Variants in NEDD4L observed in about 807,000 individuals in gnomAD.
NEDD4L encodes the protein NEDD4 like E3 ubiquitin protein ligase, also known as E3 ubiquitin-protein ligase NEDD4-like.
Under a neutral mutation model 148.9 loss-of-function variants are expected in NEDD4L, and 54 were observed. The observed-to-expected ratio is 0.36, with a 90% CI of 0.29 to 0.45. The LOEUF (loss-of-function observed/expected upper bound fraction) is 0.45. Among genes scored for constraint, NEDD4L ranks in the 20% least tolerant of loss-of-function variants. The pLI is 1.00. For missense variants in NEDD4L, 856 were observed against 1,233.8 expected, an observed-to-expected ratio of 0.69 and a Z score of 4.59; for synonymous variants, 433 against 440.7, an observed-to-expected ratio of 0.98 and a Z score of 0.22.
chr18:58,116,652 G>C (rs1164675572), intron 1 of NEDD4L, among the ~76,000 whole-genome samples: 3 of 152,230 alleles, frequency 2.0e-5, no homozygotes, highest in African/African-American at 7.2e-5. Flanking sequence ...TGCAGAGGGA[G>C]ACCAGAGCAT....
chr18:58,251,847 G>A (rs1253237107), intron 4 of NEDD4L, among the ~76,000 whole-genome samples, 154 bp from the exon 5 acceptor site: 1 of 152,154 alleles, frequency 6.6e-6, no homozygotes, highest in Non-Finnish European at 1.5e-5. Context: ...ATTTGATTTA[G>A]TACACATAGA....
intron 21 of NEDD4L, chr18:58,367,340 G>A (rs1340605885): frequency 1.2e-5 from 2 of 168,550 alleles, no homozygotes; most frequent in Non-Finnish European, 1.3e-5. Context: ...ACATCTTATG[G>A]CCAAGCCAAA....
chr18:58,363,591 T>C (rs970078375), intron 19 of NEDD4L, among the ~76,000 whole-genome samples: 1 of 152,212 alleles, frequency 6.6e-6, no homozygotes, highest in African/African-American at 2.4e-5. Context: ...TGAAGAGATA[T>C]CACAACTTTT....
intron 1 of NEDD4L, among the ~76,000 whole-genome samples, chr18:58,089,545 G>C (rs1184628368): frequency 2.6e-5 from 4 of 152,174 alleles, no homozygotes; most frequent in African/African-American, 7.2e-5. Context: ...GGCACTGAAT[G>C]GGATGGGGTG....
At chr18:58,248,432 C>G (rs564515485) in intron 3 of NEDD4L, among the ~76,000 whole-genome samples, 1 of 152,014 alleles carries the variant, frequency 6.6e-6, no homozygotes, top group Admixed American at 6.6e-5. Context: ...GTTATAAAAT[C>G]TGATCCTCAG....
chr18:58,162,378 G>C (rs896815842), intron 1 of NEDD4L, among the ~76,000 whole-genome samples: 2 of 151,896 alleles, frequency 1.3e-5, no homozygotes, highest in African/African-American at 4.8e-5. Context: ...CTTGCTGTCA[G>C]CTCTTCCTGC....
At chr18:58,077,122 A>G (rs2083205967) in intron 1 of NEDD4L, among the ~76,000 whole-genome samples, 1 of 132,444 alleles carries the variant, frequency 7.6e-6, no homozygotes, top group Admixed American at 7.9e-5. Context: ...AAGTGCTGGG[A>G]TTACAGGCGT....
intron 1 of NEDD4L, among the ~76,000 whole-genome samples, chr18:58,055,416 T>C (rs2082047124): frequency 1.3e-5 from 2 of 152,268 alleles, no homozygotes; most frequent in African/African-American, 4.8e-5. Context: ...ATGTGTTTTC[T>C]ATATTTCTAC....
At chr18:58,348,584 G>C (rs932138500) in intron 16 of NEDD4L, among the ~76,000 whole-genome samples, 4 of 152,040 alleles carry the variant, frequency 2.6e-5, no homozygotes, top group African/African-American at 7.2e-5. Flanking sequence ...AAAGTGCTGG[G>C]ATTACAGGCA....
At chr18:58,337,355 A>G (rs1470837300) in intron 13 of NEDD4L, among the ~76,000 whole-genome samples, 1 of 152,042 alleles carries the variant, frequency 6.6e-6, no homozygotes, top group East Asian at 1.9e-4. Flanking sequence ...TCTCTTCCAC[A>G]TCCTTTGTCG....
intron 1 of NEDD4L, among the ~76,000 whole-genome samples, chr18:58,103,751 G>A (rs2084906672): frequency 6.6e-6 from 1 of 152,248 alleles, no homozygotes; most frequent in African/African-American, 2.4e-5. Context: ...TGGAATTATA[G>A]AAGAAATAGC....
chr18:58,202,453 A>G (rs1156389039), intron 2 of NEDD4L, among the ~76,000 whole-genome samples: 1 of 152,270 alleles, frequency 6.6e-6, no homozygotes, highest in Non-Finnish European at 1.5e-5. Context: ...GGGCTGAGAT[A>G]GAATCTACCA....
At chr18:58,317,472 A>G (rs1035257289) in intron 6 of NEDD4L, among the ~76,000 whole-genome samples, 1 of 152,216 alleles carries the variant, frequency 6.6e-6, no homozygotes, top group Non-Finnish European at 1.5e-5. Flanking sequence ...CCCTAATGTA[A>G]AAACCACATC....
intron 5 of NEDD4L, among the ~76,000 whole-genome samples, chr18:58,278,928 G>T (rs529926008): frequency 6.4e-4 from 97 of 152,222 alleles, no homozygotes; most frequent in African/African-American, 2.2e-3. Flanking sequence ...CTGGAGTGCA[G>T]TGGTGCAGTC....
intron 5 of NEDD4L, among the ~76,000 whole-genome samples, chr18:58,287,782 G>A (rs2054149492): frequency 6.6e-6 from 1 of 152,088 alleles, no homozygotes; most frequent in Admixed American, 6.5e-5. Flanking sequence ...CCTTTTGTGA[G>A]TTGCACGTGT....
At chr18:58,048,680 C>T (rs1354124086) in intron 1 of NEDD4L, among the ~76,000 whole-genome samples, 1 of 152,152 alleles carries the variant, frequency 6.6e-6, no homozygotes, top group Non-Finnish European at 1.5e-5. Flanking sequence ...CCCGATTTGA[C>T]CAGGAACCCT....
rs1057524052 is a variant in NEDD4L at position 58,341,161 on chromosome 18, A to G, written c.1249A>G (p.Ile417Val). 8 of 1,612,748 alleles carry G rather than the reference A, an allele frequency of 5.0e-6. No homozygotes were observed. The highest frequency in any genetic ancestry group is 2.2e-5 in the East Asian group (1 of 44,858). Reference sequence around the variant, plus strand: ...TCGAACCACAACTTGGACTCGACCTATCATGCAGGTACGAAGATTGCCATC... The same window carrying G: ...TCGAACCACAACTTGGACTCGACCTGTCATGCAGGTACGAAGATTGCCATC... ...NNRTTTWTRP[I>V]MQLAEDGASG... Residue 417 changes from isoleucine to valine, a missense_variant, in exon 14 of 31, where the codon ATC (isoleucine) becomes GTC (valine). Physicochemically the swap from Ile to Val is conservative, Grantham distance 29 (BLOSUM62 3). This residue lies in a region of NEDD4L where 367 missense variants were observed against 422.7 expected (regional missense o/e 0.87). Transcript: ENST00000400345.
intron 5 of NEDD4L, among the ~76,000 whole-genome samples, chr18:58,253,903 T>G (rs2048203090): frequency 6.6e-6 from 1 of 152,098 alleles, no homozygotes; most frequent in African/African-American, 2.4e-5. Context: ...AAGCTATATC[T>G]GAAAAATTGT....
intron 2 of NEDD4L, among the ~76,000 whole-genome samples, chr18:58,196,065 C>T (rs1304518374): frequency 6.6e-6 from 1 of 152,138 alleles, no homozygotes; most frequent in Non-Finnish European, 1.5e-5. Flanking sequence ...TAAATTACTG[C>T]ATTTGTCATC....
Sources: allele counts gnomAD v4.1 joint callset (sites outside exome capture counted in the v4.1 genomes callset), GRCh38; gene constraint gnomAD v4.1.1; regional missense constraint gnomAD v4.1.1; transcripts MANE v1.5; gene names NCBI Gene and HGNC (gene_info 2026-07-23, HGNC 2026-07-21).